The following ASTN2 variants were observed in gnomAD, a reference collection of about 807,000 sequenced individuals.
ASTN2 encodes the protein astrotactin 2.
In ASTN2, 54 loss-of-function variants were observed where a neutral mutation model predicts 139.8. That is an observed-to-expected ratio of 0.39 (90% CI 0.31 to 0.48). ASTN2 has a LOEUF of 0.48. Ranked by LOEUF, ASTN2 falls within the 20% of genes least tolerant of loss-of-function variation. The probability of loss-of-function intolerance (pLI) is 0.95; values close to 1 mark genes in which losing one functional copy is unlikely to be tolerated. For missense variants in ASTN2, 1,565 were observed against 1,725.1 expected (o/e 0.91, Z 1.64); for synonymous variants, 756 against 719.5 (o/e 1.05, Z -0.81).
chr9:117,364,075 A>G (rs1829766731), intron 1 of ASTN2, among the ~76,000 whole-genome samples: 1 of 152,126 alleles, frequency 6.6e-6, no homozygotes, highest in South Asian at 2.1e-4. Context: ...TGTTTTCTCT[A>G]TCCCCCTCTA....
At chr9:116,768,205 C>A (rs1023309657) in intron 13 of ASTN2, among the ~76,000 whole-genome samples, 1 of 151,572 alleles carries the variant, frequency 6.6e-6, no homozygotes, top group Non-Finnish European at 1.5e-5. Context: ...CAATTTCTCA[C>A]CACTCATCCT....
At chr9:116,619,790 A>T (rs978456293) in intron 18 of ASTN2, among the ~76,000 whole-genome samples, 2 of 145,816 alleles carry the variant, frequency 1.4e-5, no homozygotes, top group African/African-American at 5.1e-5. Flanking sequence ...CTCACCTCCT[A>T]AAGTGCAGGG....
chr9:116,504,765 G>C (rs999925477), intron 19 of ASTN2, among the ~76,000 whole-genome samples: 1 of 151,674 alleles, frequency 6.6e-6, no homozygotes, highest in Non-Finnish European at 1.5e-5. Context: ...GTGTTGTATC[G>C]TGCATCTGTA....
At chr9:116,515,274 G>A (rs1850596267) in intron 19 of ASTN2, among the ~76,000 whole-genome samples, 1 of 152,138 alleles carries the variant, frequency 6.6e-6, no homozygotes, top group Non-Finnish European at 1.5e-5. Context: ...CTTAGGAAAT[G>A]GCAAAAACTA....
At chr9:117,071,878 G>A (rs1055317974) in intron 5 of ASTN2, among the ~76,000 whole-genome samples, 1 of 152,078 alleles carries the variant, frequency 6.6e-6, no homozygotes, top group Admixed American at 6.5e-5. Context: ...CTCGCGCACC[G>A]TGCGCGCACC....
In ASTN2 at chr9:117,203,530, TTTG is replaced by T. The variant is rs373970577; in HGVS notation, c.1015+10825_1015+10827del. 4.2e-4 allele frequency among the ~76,000 whole-genome samples: 64 copies of T among 151,858 alleles called. 1 individual carries two copies. Among genetic ancestry groups the T allele is most frequent in the Non-Finnish European group, 5.3e-4 (36 of 67,946 alleles). Reference sequence around the variant, plus strand: ...CTTGGATGGGGTTTTTGTGGGGGCCTTTGTTGTTGTTGTTGTTGTTGTGGATGA... The same window carrying T: ...CTTGGATGGGGTTTTTGTGGGGGCCTTTGTTGTTGTTGTTGTTGTGGATGA... On this transcript the variant is annotated intron_variant, in intron 3 of 22. Coordinates refer to ENST00000313400, the MANE Select transcript of ASTN2 (RefSeq NM_001365068.1).
chr9:117,143,416 T>C (rs1428861316), intron 3 of ASTN2, among the ~76,000 whole-genome samples: 1 of 152,162 alleles, frequency 6.6e-6, no homozygotes, highest in Non-Finnish European at 1.5e-5. Flanking sequence ...CTTTGCCCAA[T>C]AGATGGGCTA....
At chr9:116,482,317 C>T (rs1849195649) in intron 20 of ASTN2, among the ~76,000 whole-genome samples, 1 of 152,102 alleles carries the variant, frequency 6.6e-6, no homozygotes, top group South Asian at 2.1e-4. Context: ...CAGAGCAAGA[C>T]TCCGTCTCAA....
At chr9:116,432,099 T>G (rs1251197338) in intron 22 of ASTN2, among the ~76,000 whole-genome samples, 3 of 152,186 alleles carry the variant, frequency 2.0e-5, no homozygotes, top group Admixed American at 1.3e-4. Flanking sequence ...GAGCCTTGAT[T>G]CACAGAGAAA....
At chr9:116,500,720 T>C (rs1849825722) in intron 19 of ASTN2, among the ~76,000 whole-genome samples, 1 of 152,220 alleles carries the variant, frequency 6.6e-6, no homozygotes, top group South Asian at 2.1e-4. Context: ...GTAAAATGAA[T>C]GTGAAAATAT....
At chr9:117,201,278 C>G (rs1260702642) in intron 3 of ASTN2, among the ~76,000 whole-genome samples, 1 of 151,884 alleles carries the variant, frequency 6.6e-6, no homozygotes, top group Non-Finnish European at 1.5e-5. Context: ...CTTCATTAGT[C>G]TAGCTAGCAG....
chr9:116,668,645 C>T (rs1490431252), intron 16 of ASTN2, among the ~76,000 whole-genome samples: 4 of 152,208 alleles, frequency 2.6e-5, no homozygotes, highest in Non-Finnish European at 4.4e-5. Context: ...TGATTGCTCT[C>T]AAGTTTGGAC....
At chr9:116,866,303 A>G (rs1046057042) in intron 10 of ASTN2, among the ~76,000 whole-genome samples, 12 of 152,218 alleles carry the variant, frequency 7.9e-5, no homozygotes, top group African/African-American at 2.9e-4. Flanking sequence ...CCTCCTCAGC[A>G]GGGCACTCCT....
At chr9:116,562,396 T>C (rs1033329739) in intron 19 of ASTN2, 2 of 152,022 alleles carry the variant, frequency 1.3e-5, no homozygotes, top group African/African-American at 2.4e-5. Flanking sequence ...TGTGTGAACT[T>C]TGGAGATCAG....
intron 19 of ASTN2, 77 bp from the exon 20 acceptor site, chr9:116,487,577 A>G: frequency 7.1e-7 from 1 of 1,399,620 alleles, no homozygotes; most frequent in Non-Finnish European, 9.6e-7. Context: ...ATCCAAACCT[A>G]TCAAATGTCT....
At chr9:116,793,793 A>G (rs1396463052) in intron 13 of ASTN2, among the ~76,000 whole-genome samples, 1 of 152,166 alleles carries the variant, frequency 6.6e-6, no homozygotes, top group Non-Finnish European at 1.5e-5. Context: ...TTAGCAGGCA[A>G]TTGGTTTGTA....
Position 116,429,778 on chromosome 9 carries a change from G to A in ASTN2, c.3783-3690C>T, listed in dbSNP as rs10983153. 0.013 allele frequency among the ~76,000 whole-genome samples: 1,949 copies of A among 152,200 alleles called. 179 individuals carry two copies. In the South Asian group the frequency reaches 0.2, roughly 16 times the overall value. The stretch of plus-strand genomic sequence containing the variant: ...CAGAAATATTAACATTCTCTAATTC[G>A]GGGGCAGAGCACTGGGTTGAGGAAC... On this transcript the variant is annotated intron_variant, in intron 22 of 22. Coordinates refer to ENST00000313400, the MANE Select transcript of ASTN2 (RefSeq NM_001365068.1).
chr9:116,434,967 A>C (rs1180832034), intron 22 of ASTN2, among the ~76,000 whole-genome samples: 1 of 152,220 alleles, frequency 6.6e-6, no homozygotes, highest in African/African-American at 2.4e-5. Context: ...TTTAGTGATT[A>C]CACAGTCCAA....
In ASTN2 at chr9:117,048,370, A is replaced by T. The variant is rs571849132; in HGVS notation, c.1277-8405T>A. On this transcript the variant is annotated intron_variant, in intron 5 of 22. Coordinates refer to ENST00000313400, the MANE Select transcript of ASTN2 (RefSeq NM_001365068.1). ...GCTCCTCCTTTCTCAGCCCCAGAAA[A>T]TACTATGGGCCTGAAGCAGCTCACT... 5.9e-5 allele frequency among the ~76,000 whole-genome samples: 9 copies of T among 152,280 alleles called. No individual in the cohort carries two copies. The South Asian group carries it at 1.9e-3, about 32-fold the overall frequency.
Sources: allele counts gnomAD v4.1 joint callset (sites outside exome capture counted in the v4.1 genomes callset), GRCh38; gene constraint gnomAD v4.1.1; transcripts MANE v1.5; gene names NCBI Gene and HGNC (gene_info 2026-07-23, HGNC 2026-07-21).